ARL3: variants seen among roughly 807,000 people sequenced by gnomAD.
ARL3 encodes ADP-ribosylation factor-like protein 3.
In ARL3, 9 loss-of-function variants were observed where a neutral mutation model predicts 26.0. The observed-to-expected ratio is 0.35, with a 90% CI of 0.21 to 0.60. The LOEUF is 0.60. Ranked by LOEUF, ARL3 falls within the 20% of genes least tolerant of loss-of-function variation. The pLI is 0.78. For missense variants in ARL3, 158 were observed against 215.7 expected, an observed-to-expected ratio of 0.73 and a Z score of 1.67; for synonymous variants, 71 against 78.4, an observed-to-expected ratio of 0.91 and a Z score of 0.50.
intron 2 of ARL3, among the ~76,000 whole-genome samples, chr10:102,703,521 G>A (rs186293228): frequency 0.012 from 1,665 of 138,234 alleles, 30 homozygotes; most frequent in African/African-American, 0.042. Flanking sequence ...TCGGCTCACT[G>A]CAAGCTCCAC....
At chr10:102,712,621 G>A (rs1035423539) in intron 1 of ARL3, among the ~76,000 whole-genome samples, 1 of 152,142 alleles carries the variant, frequency 6.6e-6, no homozygotes, top group African/African-American at 2.4e-5. Context: ...ACTGTGGCCT[G>A]TAATTATAAA....
chr10:102,694,244 C>A (rs2064235821), intron 3 of ARL3, among the ~76,000 whole-genome samples: 1 of 152,210 alleles, frequency 6.6e-6, no homozygotes, highest in South Asian at 2.1e-4. Flanking sequence ...CCGCCTTGGC[C>A]TCCCAAAGTG....
intron 1 of ARL3, among the ~76,000 whole-genome samples, chr10:102,708,826 A>G (rs10883767): frequency 0.14 from 20,757 of 150,434 alleles, 1,836 homozygotes; most frequent in East Asian, 0.42. Context: ...TCTGCACTCC[A>G]GCCTGGACAA....
intron 3 of ARL3, 135 bp downstream of exon 3, chr10:102,699,238 C>G: frequency 3.0e-6 from 2 of 675,570 alleles, no homozygotes; most frequent in East Asian, 5.3e-5. Flanking sequence ...CTGTAGCCTT[C>G]TGCTATCCCT....
At position 102,676,705 on chromosome 10, in the gene ARL3, TACTG is replaced by T. The variant is rs1261089594; in HGVS notation, c.*185_*188del. 5.0e-6 allele frequency: 3 copies of T among 596,726 alleles called. No individual in the cohort carries two copies. The highest frequency in any genetic ancestry group is 9.0e-6 in the Non-Finnish European group (3 of 334,374). The allele number at this position is 596,726 out of a possible 1,614,324, so 37.0% of individuals were successfully genotyped here. ...TATAATTCCTTTATTTGAAAAATGATACTGAACCTCAGAGATCAGTTAAATCTAC... is the reference window on the plus strand; with the variant it reads ...TATAATTCCTTTATTTGAAAAATGATAACCTCAGAGATCAGTTAAATCTAC... On this transcript the variant is annotated 3_prime_UTR_variant, in exon 6 of 6. Coordinates refer to ENST00000260746, the MANE Select transcript of ARL3 (RefSeq NM_004311.4).
At chr10:102,678,232 A>G (rs1303848625) in intron 5 of ARL3, among the ~76,000 whole-genome samples, 1 of 152,210 alleles carries the variant, frequency 6.6e-6, no homozygotes, top group African/African-American at 2.4e-5. Context: ...AGCACCTGGC[A>G]GCAGCAGGGG....
chr10:102,713,416 C>T (rs1447192520), intron 1 of ARL3, among the ~76,000 whole-genome samples: 1 of 152,200 alleles, frequency 6.6e-6, no homozygotes, highest in African/African-American at 2.4e-5. Context: ...GTTCGATCTC[C>T]ATTTTTAACT....
chr10:102,684,830 CG>C (rs2135997490), intron 5 of ARL3, among the ~76,000 whole-genome samples: 1 of 151,214 alleles, frequency 6.6e-6, no homozygotes, highest in African/African-American at 2.4e-5. Context: ...TTAGTAGAGA[CG>C]GGGGTTTCAC....
At chr10:102,698,264 T>C (rs2064259999) in intron 3 of ARL3, among the ~76,000 whole-genome samples, 1 of 151,886 alleles carries the variant, frequency 6.6e-6, no homozygotes, top group Non-Finnish European at 1.5e-5. Context: ...TGTGGTGGCC[T>C]GATCTCAATC....
At chr10:102,708,507 T>A (rs1225846805) in intron 1 of ARL3, among the ~76,000 whole-genome samples, 1 of 152,188 alleles carries the variant, frequency 6.6e-6, no homozygotes, top group Non-Finnish European at 1.5e-5. Flanking sequence ...GTTCTTCTCA[T>A]GCATTTTCTG....
At chr10:102,687,485 C>G (rs983121080) in intron 4 of ARL3, among the ~76,000 whole-genome samples, 1 of 151,852 alleles carries the variant, frequency 6.6e-6, no homozygotes, top group East Asian at 2.0e-4. Context: ...GGGCGGAGTT[C>G]GAGACCAGTC....
chr10:102,680,813 C>G (rs2064152932), intron 5 of ARL3, among the ~76,000 whole-genome samples: 1 of 152,106 alleles, frequency 6.6e-6, no homozygotes, highest in Admixed American at 6.6e-5. Flanking sequence ...AGCAATGCAG[C>G]CTACCTCATT....
intron 5 of ARL3, among the ~76,000 whole-genome samples, chr10:102,680,028 T>G (rs1315876944): frequency 6.6e-6 from 1 of 152,154 alleles, no homozygotes; most frequent in Non-Finnish European, 1.5e-5. Flanking sequence ...CTCGACTCGC[T>G]GCAAGCTCCG....
chr10:102,714,133 A>T (rs2064366538), intron 1 of ARL3, 140 bp downstream of exon 1: 1 of 1,107,302 alleles, frequency 9.0e-7, no homozygotes, highest in Non-Finnish European at 1.2e-6. Flanking sequence ...CCGACCCCCG[A>T]AATCAGTCCA....
chr10:102,707,010 T>C (rs531288836), intron 1 of ARL3, among the ~76,000 whole-genome samples: 1 of 151,324 alleles, frequency 6.6e-6, no homozygotes, highest in Non-Finnish European at 1.5e-5. Flanking sequence ...ATATAAAGCA[T>C]GTTGCTGGGC....
chr10:102,714,285 G>A lies in ARL3; in HGVS notation c.-10C>T, dbSNP rs769715327. On this transcript the variant is annotated 5_prime_UTR_variant, in exon 1 of 6. Transcript: ENST00000260746. Reference sequence around the variant, plus strand: ...CCCCCACACTCACCATCCTCCCGCCGAGTCCCTCCTCCTCCTCCTCCTCCT... The same window carrying A: ...CCCCCACACTCACCATCCTCCCGCCAAGTCCCTCCTCCTCCTCCTCCTCCT... 32 of 1,312,858 alleles carry A rather than the reference G, an allele frequency of 2.4e-5. No homozygotes were observed. In the East Asian group the frequency reaches 5.6e-4, roughly 23 times the overall value. The allele number at this position is 1,312,858 out of a possible 1,614,324, so 81.3% of individuals were successfully genotyped here.
intron 4 of ARL3, among the ~76,000 whole-genome samples, chr10:102,688,157 T>C (rs2064197359): frequency 6.6e-6 from 1 of 152,206 alleles, no homozygotes. Flanking sequence ...ACAAAAACTA[T>C]AGGAAAGGGT....
chr10:102,687,863 G>A (rs2064195783), intron 4 of ARL3, among the ~76,000 whole-genome samples: 1 of 152,090 alleles, frequency 6.6e-6, no homozygotes, highest in Non-Finnish European at 1.5e-5. Context: ...CAAGGGAGAA[G>A]ACAAGAAGTG....
rs376548476 is a variant in ARL3, at chr10:102,676,908, C to T, written c.535G>A (p.Ala179Thr). ...GMNWVCKNVN[A>T]KKK ...TCGTCTAGATTTTATTTCTTCTTTG[C>T]ATTGACATTTTTGCAGACCCAGTTC... is the stretch of plus-strand genomic sequence containing the variant. The change falls in exon 6 of 6, where the codon GCA (alanine) becomes ACA (threonine). Residue 179 changes from alanine (A) to threonine (T), a missense_variant. Ala to Thr is a moderately conservative substitution (Grantham distance 58, BLOSUM62 0). Coordinates refer to ENST00000260746, the MANE Select transcript of ARL3 (RefSeq NM_004311.4). 1.5e-5 allele frequency: 24 copies of T among 1,614,192 alleles called. No homozygotes were observed. The highest frequency in any genetic ancestry group is 1.3e-4 in the East Asian group (6 of 44,886).
Sources: allele counts gnomAD v4.1 joint callset (sites outside exome capture counted in the v4.1 genomes callset), GRCh38; gene constraint gnomAD v4.1.1; transcripts MANE v1.5; gene names NCBI Gene and HGNC (gene_info 2026-07-23, HGNC 2026-07-21).